BAALC: variants seen among roughly 807,000 people sequenced by gnomAD.
The protein encoded by BAALC is BAALC binder of MAP3K1 and KLF4.
Under a neutral mutation model 15.5 loss-of-function variants are expected in BAALC, and 9 were observed. The observed-to-expected ratio is 0.58, with a 90% CI of 0.35 to 1.02. The LOEUF (loss-of-function observed/expected upper bound fraction) is 1.02. Ranked by LOEUF, BAALC falls within the 50% of genes least tolerant of loss-of-function variation. The probability of loss-of-function intolerance (pLI) is 0.02; values close to 1 mark genes in which losing one functional copy is unlikely to be tolerated. For missense variants in BAALC, 201 were observed against 192.4 expected (o/e 1.04, Z -0.27); for synonymous variants, 80 against 74.6 (o/e 1.07, Z -0.37).
At chr8:103,188,441 T>C (rs1347062325) in intron 1 of BAALC, among the ~76,000 whole-genome samples, 1 of 152,188 alleles carries the variant, frequency 6.6e-6, no homozygotes, top group Admixed American at 6.6e-5. Context: ...TAAGGGACGT[T>C]GAGGGACAGG....
intron 1 of BAALC, among the ~76,000 whole-genome samples, chr8:103,185,274 G>A (rs773200289): frequency 2.0e-5 from 3 of 151,852 alleles, no homozygotes; most frequent in South Asian, 4.2e-4. Context: ...CTCCCATCAC[G>A]GCCCCACCCT....
At chr8:103,209,625 C>G (rs1198956664) in intron 1 of BAALC, among the ~76,000 whole-genome samples, 1 of 152,144 alleles carries the variant, frequency 6.6e-6, no homozygotes, top group African/African-American at 2.4e-5. Context: ...CTCAGCCCTC[C>G]TTCAGAATTC....
At chr8:103,203,575 CAG>C (rs1198478623) in intron 1 of BAALC, among the ~76,000 whole-genome samples, 1 of 152,192 alleles carries the variant, frequency 6.6e-6, no homozygotes, top group Non-Finnish European at 1.5e-5. Context: ...AACTTATTAA[CAG>C]TCACTGTCAT....
At chr8:103,196,628 A>G (rs1812104221) in intron 1 of BAALC, among the ~76,000 whole-genome samples, 1 of 152,148 alleles carries the variant, frequency 6.6e-6, no homozygotes, top group African/African-American at 2.4e-5. Context: ...TGTAGAATGA[A>G]GTCCACAGGC....
Position 103,222,050 on chromosome 8 carries a change from G to A in BAALC, c.328-5939G>A, listed in dbSNP as rs370886632. On this transcript the variant is annotated intron_variant, in intron 2 of 2. Transcript: ENST00000309982. ...CAGGTGGCGGGTGGGGGGCTTCCAG[G>A]CTATAGGTAAATTTAAACATTTTCT... is the stretch of plus-strand genomic sequence containing the variant. 1.5e-3 allele frequency among the ~76,000 whole-genome samples: 222 copies of A among 152,272 alleles called. 1 individual carries two copies. In the Middle Eastern group the frequency reaches 0.044, roughly 30 times the overall value.
chr8:103,159,180 G>T (rs1007737757), intron 1 of BAALC, among the ~76,000 whole-genome samples: 1 of 152,052 alleles, frequency 6.6e-6, no homozygotes, highest in Non-Finnish European at 1.5e-5. Flanking sequence ...TCTTTCCATC[G>T]TGTGGTTCTA....
intron 2 of BAALC, among the ~76,000 whole-genome samples, chr8:103,214,339 G>A (rs1812512775): frequency 6.6e-6 from 1 of 152,202 alleles, no homozygotes; most frequent in Non-Finnish European, 1.5e-5. Flanking sequence ...TATGTAGTCT[G>A]TAACAAAGCT....
At chr8:103,171,450 TAAGA>T (rs1420696790) in intron 1 of BAALC, among the ~76,000 whole-genome samples, 1 of 149,600 alleles carries the variant, frequency 6.7e-6, no homozygotes, top group African/African-American at 2.5e-5. Flanking sequence ...AGAAAGAAAG[TAAGA>T]AAGAAAGAAA....
At chr8:103,210,522 A>G (rs987925167) in intron 1 of BAALC, among the ~76,000 whole-genome samples, 1 of 152,212 alleles carries the variant, frequency 6.6e-6, no homozygotes, top group Non-Finnish European at 1.5e-5. Context: ...ACAAAAATAC[A>G]CTGCGCTTCT....
chr8:103,143,802 T>C (rs935092273), intron 1 of BAALC, among the ~76,000 whole-genome samples: 2 of 152,242 alleles, frequency 1.3e-5, no homozygotes, highest in Non-Finnish European at 2.9e-5. Context: ...TCAGAATGAA[T>C]GGATGCTCTG....
intron 1 of BAALC, among the ~76,000 whole-genome samples, chr8:103,178,640 C>T (rs1487580019): frequency 1.6e-4 from 24 of 152,140 alleles, no homozygotes. Flanking sequence ...GGGCGGATCA[C>T]AAGGTCAGAA....
In BAALC at chr8:103,229,755, T is replaced by C. The variant is rs1812885013; in HGVS notation, c.*1656T>C. The stretch of plus-strand genomic sequence containing the variant: ...CTAATCAATGTACAAGACTTTACCA[T>C]ACACGCAACTATAGTTTTTCTAAAC... On this transcript the variant is annotated 3_prime_UTR_variant, in exon 3 of 3. Transcript: ENST00000309982. 1 of 152,242 alleles carries C rather than the reference T, an allele frequency of 6.6e-6. No individual in the cohort carries two copies. The highest frequency in any genetic ancestry group is 1.5e-5 in the Non-Finnish European group (1 of 68,032). The allele number at this position is 152,242 out of a possible 1,614,324, so 9.4% of individuals were successfully genotyped here.
At chr8:103,194,256 C>T (rs755986900) in intron 1 of BAALC, among the ~76,000 whole-genome samples, 10 of 152,164 alleles carry the variant, frequency 6.6e-5, no homozygotes, top group Non-Finnish European at 1.2e-4. Context: ...GGCTAATTAC[C>T]GGGATTCCTT....
intron 1 of BAALC, among the ~76,000 whole-genome samples, chr8:103,194,845 T>G (rs2130013243): frequency 6.6e-6 from 1 of 152,262 alleles, no homozygotes; most frequent in East Asian, 1.9e-4. Flanking sequence ...AAAAATGGCC[T>G]ACGCTAGTTT....
At chr8:103,184,136 A>G (rs1157213027) in intron 1 of BAALC, among the ~76,000 whole-genome samples, 1 of 152,134 alleles carries the variant, frequency 6.6e-6, no homozygotes, top group Admixed American at 6.5e-5. Context: ...AAACAGTCAT[A>G]TCTCCTTTGA....
At chr8:103,152,252 GT>G (rs1811002945) in intron 1 of BAALC, among the ~76,000 whole-genome samples, 1 of 152,032 alleles carries the variant, frequency 6.6e-6, no homozygotes. Context: ...TGATTTCATT[GT>G]TTACTCTGCT....
intron 1 of BAALC, among the ~76,000 whole-genome samples, chr8:103,163,619 G>T (rs572835919): frequency 6.6e-6 from 1 of 152,134 alleles, no homozygotes; most frequent in Non-Finnish European, 1.5e-5. Context: ...TCTCTGAAAT[G>T]AATGGTTGCA....
intron 2 of BAALC, among the ~76,000 whole-genome samples, chr8:103,225,044 G>A (rs960446722): frequency 9.9e-5 from 15 of 152,184 alleles, no homozygotes; most frequent in African/African-American, 2.7e-4. Flanking sequence ...TTTCAAGGTC[G>A]TGTGATTTTA....
chr8:103,151,780 G>C (rs937735899), intron 1 of BAALC, among the ~76,000 whole-genome samples: 1 of 150,916 alleles, frequency 6.6e-6, no homozygotes, highest in African/African-American at 2.4e-5. Context: ...TCACAGACTT[G>C]CCGTGAATTC....
Sources: gnomAD v4.1 joint callset for allele counts (sites outside exome capture counted in the v4.1 genomes callset) on GRCh38, gnomAD v4.1.1 for gene constraint, MANE v1.5 for transcripts, NCBI Gene and HGNC (gene_info 2026-07-23, HGNC 2026-07-21) for gene names.